RBFOX1: variants seen among roughly 807,000 people sequenced by gnomAD.
RBFOX1 encodes RNA binding protein fox-1 homolog 1.
Under a neutral mutation model 57.7 loss-of-function variants are expected in RBFOX1, and 8 were observed. That is an observed-to-expected ratio of 0.14 (90% CI 0.08 to 0.25). The LOEUF is 0.25. Ranked by LOEUF, RBFOX1 falls within the 10% of genes least tolerant of loss-of-function variation. The probability of loss-of-function intolerance (pLI) is 1.00; values close to 1 mark genes in which losing one functional copy is unlikely to be tolerated. For synonymous variants in RBFOX1, 326 were observed against 222.4 expected (o/e 1.47, Z -4.15); for missense variants, 611 against 548.5 (o/e 1.11, Z -1.14).
At chr16:6,793,888 T>G (rs370563707) in intron 3 of RBFOX1, among the ~76,000 whole-genome samples, 2 of 152,098 alleles carry the variant, frequency 1.3e-5, no homozygotes, top group Non-Finnish European at 2.9e-5. Context: ...AAAAAGGTTA[T>G]GAAACATCTA....
intron 12 of RBFOX1, among the ~76,000 whole-genome samples, chr16:7,656,147 C>G (rs1274580760): frequency 6.6e-6 from 1 of 152,184 alleles, no homozygotes; most frequent in African/African-American, 2.4e-5. Flanking sequence ...AGATCAAATT[C>G]TCAGCAGAGA....
intron 3 of RBFOX1, among the ~76,000 whole-genome samples, chr16:6,841,675 C>G (rs1019992281): frequency 6.6e-6 from 1 of 152,036 alleles, no homozygotes; most frequent in Admixed American, 6.5e-5. Flanking sequence ...TGCTTTAGCC[C>G]TCTGTGGAAA....
At chr16:6,628,300 A>G (rs2098337097) in intron 2 of RBFOX1, among the ~76,000 whole-genome samples, 1 of 152,226 alleles carries the variant, frequency 6.6e-6, no homozygotes, top group Non-Finnish European at 1.5e-5. Context: ...TTAACGGTTC[A>G]TTAATTGAAA....
At chr16:6,166,333 G>A (rs995428727) in intron 1 of RBFOX1, among the ~76,000 whole-genome samples, 9 of 147,352 alleles carry the variant, frequency 6.1e-5, no homozygotes, top group Non-Finnish European at 1.2e-4. Flanking sequence ...ATCATTCAGC[G>A]AATAGGCTGG....
intron 3 of RBFOX1, among the ~76,000 whole-genome samples, chr16:6,743,817 G>C (rs563896323): frequency 8.8e-6 from 1 of 113,332 alleles, no homozygotes; most frequent in African/African-American, 3.6e-5. Flanking sequence ...TTTCTCATGT[G>C]TTTTGACTAT....
chr16:6,492,365 C>G (rs529412225), intron 2 of RBFOX1, among the ~76,000 whole-genome samples: 1 of 152,122 alleles, frequency 6.6e-6, no homozygotes, highest in South Asian at 2.1e-4. Flanking sequence ...GTCAGGAGTT[C>G]AAGACCAGCC....
At chr16:7,313,546 C>G (rs937638754) in intron 4 of RBFOX1, among the ~76,000 whole-genome samples, 4 of 149,876 alleles carry the variant, frequency 2.7e-5, no homozygotes, top group African/African-American at 9.8e-5. Context: ...GGAGAGGCAG[C>G]TTGTAAGACC....
In RBFOX1 at chr16:6,891,266, C is replaced by G. The variant is rs959720160; in HGVS notation, c.-15-160791C>G. On this transcript the variant is annotated intron_variant, in intron 3 of 15. Coordinates refer to ENST00000550418, the MANE Select transcript of RBFOX1 (RefSeq NM_018723.4). The stretch of plus-strand genomic sequence containing the variant: ...GAATCCTGCTAGCACTTTATAAGAA[C>G]AACTGCTTGAAGCAACTTAGCAAGG... 3.3e-5 allele frequency among the ~76,000 whole-genome samples: 5 copies of G among 152,238 alleles called. No individual in the cohort carries two copies. In the East Asian group the frequency reaches 7.7e-4, roughly 24 times the overall value.
chr16:6,958,722 A>G (rs546853820), intron 3 of RBFOX1, among the ~76,000 whole-genome samples: 4 of 152,180 alleles, frequency 2.6e-5, no homozygotes, highest in Non-Finnish European at 5.9e-5. Flanking sequence ...TGTTAGTTTT[A>G]TGCCGCTTCA....
chr16:6,336,752 A>C (rs567804690), intron 2 of RBFOX1, among the ~76,000 whole-genome samples: 1 of 152,294 alleles, frequency 6.6e-6, no homozygotes, highest in Middle Eastern at 3.4e-3. Context: ...AGGACAGGCT[A>C]TGCAGTGGGA....
intron 4 of RBFOX1, among the ~76,000 whole-genome samples, chr16:7,091,182 A>G (rs2060791069): frequency 6.6e-6 from 1 of 151,284 alleles, no homozygotes; most frequent in Non-Finnish European, 1.5e-5. Context: ...TATTATTTTT[A>G]CTCACATTTT....
chr16:6,551,857 T>C (rs184485398), intron 2 of RBFOX1, among the ~76,000 whole-genome samples: 55 of 152,340 alleles, frequency 3.6e-4, no homozygotes, highest in Non-Finnish European at 5.1e-4. Flanking sequence ...TCTCTCTCAG[T>C]GCGTTGGTCA....
At chr16:7,199,971 A>G (rs902935809) in intron 4 of RBFOX1, among the ~76,000 whole-genome samples, 1 of 152,336 alleles carries the variant, frequency 6.6e-6, no homozygotes, top group African/African-American at 2.4e-5. Flanking sequence ...GTTGGGGAAC[A>G]CTTTTGTAAT....
chr16:6,196,610 T>C (rs1027229944), intron 1 of RBFOX1, among the ~76,000 whole-genome samples: 5 of 152,146 alleles, frequency 3.3e-5, no homozygotes, highest in African/African-American at 1.2e-4. Flanking sequence ...AAACTGGAAA[T>C]AGAGAAATAA....
chr16:7,512,500 C>T (rs755790397), intron 4 of RBFOX1, among the ~76,000 whole-genome samples: 5 of 152,270 alleles, frequency 3.3e-5, no homozygotes, highest in African/African-American at 4.8e-5. Flanking sequence ...CTCTCTGGAA[C>T]GGCTGTCAGT....
intron 2 of RBFOX1, among the ~76,000 whole-genome samples, chr16:5,502,846 AG>A (rs1292872452): frequency 2.0e-5 from 3 of 152,332 alleles, no homozygotes; most frequent in Admixed American, 6.5e-5. Context: ...AGAAATAGCC[AG>A]GGCAGGGAGA....
chr16:6,264,173 G>A (rs2097718741), intron 1 of RBFOX1, among the ~76,000 whole-genome samples: 1 of 152,102 alleles, frequency 6.6e-6, no homozygotes, highest in African/African-American at 2.4e-5. Context: ...AATTTGTTTG[G>A]TTTTTCAGTG....
chr16:6,788,536 C>A (rs557292666), intron 3 of RBFOX1, among the ~76,000 whole-genome samples: 2 of 151,866 alleles, frequency 1.3e-5, no homozygotes. Context: ...AGTGCAGTGG[C>A]GTGATCTCGG....
In RBFOX1 at chr16:7,226,982, T is replaced by G. The variant is rs138417522; in HGVS notation, c.27+174884T>G. On this transcript the variant is annotated intron_variant, in intron 4 of 15. Coordinates refer to ENST00000550418, the MANE Select transcript of RBFOX1 (RefSeq NM_018723.4). Reference sequence around the variant, plus strand: ...TAAGAATATGAATTTCTGGCTTGTCTTCATCTCTCCAGGATAAAAAATGGC... The same window carrying G: ...TAAGAATATGAATTTCTGGCTTGTCGTCATCTCTCCAGGATAAAAAATGGC... Among the ~76,000 whole-genome samples the G allele has an allele frequency of 1.1e-4, 17 of 152,332 alleles. No homozygotes were observed. The East Asian group carries it at 2.1e-3, about 19-fold the overall frequency.
Sources: gnomAD v4.1 joint callset for allele counts (sites outside exome capture counted in the v4.1 genomes callset) on GRCh38, gnomAD v4.1.1 for gene constraint, MANE v1.5 for transcripts, NCBI Gene and HGNC (gene_info 2026-07-23, HGNC 2026-07-21) for gene names.